ADGRL3: variants seen among roughly 807,000 people sequenced by gnomAD.
The protein encoded by ADGRL3 is adhesion G protein-coupled receptor L3.
ADGRL3 carries 62 observed loss-of-function variants against 153.5 expected under a neutral mutation model. The observed-to-expected ratio is 0.40, with a 90% CI of 0.33 to 0.50. The LOEUF (loss-of-function observed/expected upper bound fraction) is 0.50. Among genes scored for constraint, ADGRL3 ranks in the 20% least tolerant of loss-of-function variants. The pLI, the probability that ADGRL3 is intolerant of heterozygous loss-of-function variation, is 0.47. For synonymous variants in ADGRL3, 710 were observed against 672.5 expected (o/e 1.06, Z -0.86); for missense variants, 1,641 against 1,859.4 (o/e 0.88, Z 2.16).
At chr4:61,901,679 C>G (rs967538739) in intron 11 of ADGRL3, among the ~76,000 whole-genome samples, 3 of 151,998 alleles carry the variant, frequency 2.0e-5, no homozygotes, top group African/African-American at 7.3e-5. Context: ...ATTGTTTTGG[C>G]CCTTGATTAG....
chr4:61,705,514 T>A (rs2095842692), intron 6 of ADGRL3, among the ~76,000 whole-genome samples: 1 of 149,522 alleles, frequency 6.7e-6, no homozygotes, highest in South Asian at 2.1e-4. Context: ...ATATATATAT[T>A]TGAGACAGAG....
chr4:61,424,617 A>G (rs1444912385), intron 2 of ADGRL3, among the ~76,000 whole-genome samples: 2 of 152,156 alleles, frequency 1.3e-5, no homozygotes, highest in Non-Finnish European at 2.9e-5. Flanking sequence ...TCTGGAATAA[A>G]TGTACAACAT....
chr4:61,738,760 G>A (rs73823223), intron 8 of ADGRL3, among the ~76,000 whole-genome samples: 4,090 of 152,094 alleles, frequency 0.027, 116 homozygotes, highest in East Asian at 0.077. Context: ...TTTTTCAGAA[G>A]AAATGTCTTG....
intron 2 of ADGRL3, among the ~76,000 whole-genome samples, chr4:61,468,641 G>GC (rs1158229289): frequency 6.6e-6 from 1 of 152,100 alleles, no homozygotes; most frequent in African/African-American, 2.4e-5. Flanking sequence ...TGAGAGTCTT[G>GC]CCATAGAGGC....
chr4:61,541,277 T>A (rs907537614), intron 4 of ADGRL3, among the ~76,000 whole-genome samples: 1 of 149,814 alleles, frequency 6.7e-6, no homozygotes, highest in Non-Finnish European at 1.5e-5. Flanking sequence ...GTACAGCAGG[T>A]GAGAATAACT....
At chr4:61,338,819 A>G (rs1426462918) in intron 1 of ADGRL3, among the ~76,000 whole-genome samples, 1 of 152,210 alleles carries the variant, frequency 6.6e-6, no homozygotes, top group East Asian at 1.9e-4. Flanking sequence ...CATAATGAAC[A>G]TTTTGTGTAA....
At chr4:61,840,226 C>T (rs1334014239) in intron 9 of ADGRL3, among the ~76,000 whole-genome samples, 2 of 151,932 alleles carry the variant, frequency 1.3e-5, no homozygotes, top group East Asian at 3.9e-4. Flanking sequence ...ATTACAGGCG[C>T]CTGCCACCAT....
At position 61,374,331 on chromosome 4, in the gene ADGRL3, T is replaced by A. The variant is rs114825241; in HGVS notation, c.-239-8793T>A. Among the ~76,000 whole-genome samples, 735 of 152,350 alleles carry A rather than the reference T, an allele frequency of 4.8e-3. 12 individuals carry two copies. The highest frequency in any genetic ancestry group is 0.017 in the African/African-American group (692 of 41,586). ...TTTTGCTTCTTCTGATTTCTCTTTG[T>A]TAGAACTCTGTATAGGAAAGAAAGA... On this transcript the variant is annotated intron_variant, in intron 1 of 26. Coordinates refer to ENST00000683033, the MANE Select transcript of ADGRL3 (RefSeq NM_001387552.1).
chr4:61,599,547 G>T (rs2099002442), intron 5 of ADGRL3, among the ~76,000 whole-genome samples: 3 of 152,146 alleles, frequency 2.0e-5, no homozygotes, highest in Non-Finnish European at 4.4e-5. Context: ...TGGCCAAGCT[G>T]GTCTTGAACT....
intron 1 of ADGRL3, among the ~76,000 whole-genome samples, chr4:61,238,643 G>T (rs1193486483): frequency 1.3e-5 from 2 of 151,892 alleles, no homozygotes; most frequent in Non-Finnish European, 2.9e-5. Flanking sequence ...TTTCCTTCAG[G>T]CAAACCTAGA....
intron 25 of ADGRL3, among the ~76,000 whole-genome samples, chr4:62,064,125 C>T (rs966184049): frequency 3.3e-5 from 5 of 152,058 alleles, no homozygotes; most frequent in African/African-American, 1.2e-4. Context: ...GGGAGAATTA[C>T]ATTGAACTAA....
At chr4:62,012,476 GTTAA>G (rs1490499318) in intron 21 of ADGRL3, among the ~76,000 whole-genome samples, 1 of 152,158 alleles carries the variant, frequency 6.6e-6, no homozygotes, top group African/African-American at 2.4e-5. Flanking sequence ...TTTCTGAGAG[GTTAA>G]TTAACTCACC....
chr4:61,527,871 C>G (rs1317004197), intron 4 of ADGRL3, among the ~76,000 whole-genome samples: 1 of 152,106 alleles, frequency 6.6e-6, no homozygotes, highest in Non-Finnish European at 1.5e-5. Flanking sequence ...TGGGCCTTCC[C>G]ACTTTAACAG....
chr4:61,258,200 T>C (rs954432414), intron 1 of ADGRL3, among the ~76,000 whole-genome samples: 4 of 152,302 alleles, frequency 2.6e-5, no homozygotes, highest in Admixed American at 1.3e-4. Context: ...AATACAGGCC[T>C]CTTTCTTACA....
At chr4:61,371,005 G>T (rs893934990) in intron 1 of ADGRL3, among the ~76,000 whole-genome samples, 1 of 151,034 alleles carries the variant, frequency 6.6e-6, no homozygotes, top group African/African-American at 2.4e-5. Context: ...TGTCTCTTTT[G>T]ATCTTTGTTG....
chr4:61,340,473 G>A (rs1281541845), intron 1 of ADGRL3, among the ~76,000 whole-genome samples: 2 of 151,544 alleles, frequency 1.3e-5, no homozygotes, highest in Non-Finnish European at 2.9e-5. Flanking sequence ...ATAATCCTAA[G>A]TACATACTAA....
intron 17 of ADGRL3, among the ~76,000 whole-genome samples, chr4:61,950,242 T>G (rs947546999): frequency 5.3e-5 from 8 of 151,096 alleles, no homozygotes; most frequent in Middle Eastern, 3.4e-3. Context: ...GGTTTACAGG[T>G]TTTTTTTTAG....
intron 1 of ADGRL3, among the ~76,000 whole-genome samples, chr4:61,314,478 G>A (rs1167961983): frequency 1.3e-5 from 2 of 152,172 alleles, no homozygotes; most frequent in African/African-American, 2.4e-5. Context: ...AAAGTGCTGG[G>A]ATTATAGGCG....
intron 3 of ADGRL3, among the ~76,000 whole-genome samples, chr4:61,498,157 T>C (rs757452608): frequency 6.6e-6 from 1 of 152,212 alleles, no homozygotes; most frequent in African/African-American, 2.4e-5. Flanking sequence ...TTTACTACTC[T>C]GCACAATCTT....
Sources: allele counts gnomAD v4.1 joint callset (sites outside exome capture counted in the v4.1 genomes callset), GRCh38; gene constraint gnomAD v4.1.1; transcripts MANE v1.5; gene names NCBI Gene and HGNC (gene_info 2026-07-23, HGNC 2026-07-21).